UBR3: variants seen among roughly 807,000 people sequenced by gnomAD.
UBR3 encodes E3 ubiquitin-protein ligase UBR3.
A neutral mutation model predicts 243.2 loss-of-function variants in UBR3; 85 were observed. The ratio of observed to expected loss-of-function variants is 0.35; its 90% CI spans 0.29 to 0.42. UBR3 has a LOEUF of 0.42. Among genes scored for constraint, UBR3 ranks in the 10% least tolerant of loss-of-function variants. The pLI is 1.00. For synonymous variants in UBR3, 748 were observed against 799.8 expected (o/e 0.94, Z 1.09); for missense variants, 1,686 against 2,300.8 (o/e 0.73, Z 5.47).
At chr2:170,067,557 A>G (rs1168627704) in intron 35 of UBR3, among the ~76,000 whole-genome samples, 1 of 152,152 alleles carries the variant, frequency 6.6e-6, no homozygotes, top group Admixed American at 6.6e-5. Flanking sequence ...TATATATTAT[A>G]TATATACAAC....
chr2:170,055,472 G>T lies in UBR3; in HGVS notation c.4673G>T (p.Cys1558Phe), dbSNP rs766836632. ...PQPLRKDHFT[C>F]IVKVLFTLLY... Reference sequence around the variant, plus strand: ...TTTTCTCTTGCAGACCACTTTACCTGCATTGTGAAGGTACTTTTTACCCTA... The same window carrying T: ...TTTTCTCTTGCAGACCACTTTACCTTCATTGTGAAGGTACTTTTTACCCTA... Residue 1558 changes from cysteine (C) to phenylalanine (F), a missense_variant, in exon 33 of 39, where the codon TGC (cysteine) becomes TTC (phenylalanine). Physicochemically the swap from Cys to Phe is radical, Grantham distance 205. Coordinates refer to ENST00000272793, the MANE Select transcript of UBR3 (RefSeq NM_172070.4). 2 of 1,613,054 alleles carry T rather than the reference G, an allele frequency of 1.2e-6. No homozygotes were observed. The highest frequency in any genetic ancestry group is 1.7e-6 in the Non-Finnish European group (2 of 1,179,450).
At chr2:170,057,031 T>C (rs551555461) in intron 33 of UBR3, among the ~76,000 whole-genome samples, 5 of 152,326 alleles carry the variant, frequency 3.3e-5, no homozygotes, top group African/African-American at 1.2e-4. Context: ...TCAAAATTAA[T>C]TTCTGTCTTT....
At chr2:169,878,375 A>AAG (rs2083696452) in intron 4 of UBR3, 150 bp from the exon 5 acceptor site, 751 of 720,802 alleles carry the variant, frequency 1.0e-3, no homozygotes, top group Non-Finnish European at 1.3e-3. Flanking sequence ...AAAAAAAAAA[A>AAG]AAGTTGGACT....
intron 4 of UBR3, 49 bp from the exon 5 acceptor site, chr2:169,878,476 G>A (rs751042348): frequency 2.7e-6 from 4 of 1,483,840 alleles, no homozygotes; most frequent in South Asian, 1.3e-5. Context: ...TGAAAATAAA[G>A]CAATATGTAG....
chr2:169,827,860 C>T lies in UBR3; in HGVS notation c.353C>T (p.Ala118Val). 6.6e-7 allele frequency: 1 copy of T among 1,504,710 alleles called. No homozygotes were observed. The highest frequency in any genetic ancestry group is 8.8e-7 in the Non-Finnish European group (1 of 1,131,332). 93.2% of individuals were successfully genotyped at this position (1,504,710 alleles called of 1,614,324 possible). A position where few individuals can be genotyped will look rare whatever the true frequency, so the allele number is the denominator to read the frequency against. ...GCGGTGCGGGCCTACGATCCCGCGG[C>T]GCTCTGCGGCCTGGTCTGGACAGCC... ...CAAVRAYDPA[A>V]LCGLVWTANF... Residue 118 changes from alanine to valine, a missense_variant, in exon 1 of 39, where the codon GCG (alanine) becomes GTG (valine). Physicochemically the swap from Ala to Val is moderately conservative, Grantham distance 64. Around this residue, in one of 8 missense-constraint regions of UBR3, gnomAD observed 145 missense variants for 243.8 expected, o/e 0.59. Transcript: ENST00000272793.
chr2:169,833,175 AT>A (rs1192141086), intron 1 of UBR3, among the ~76,000 whole-genome samples: 29 of 152,174 alleles, frequency 1.9e-4, no homozygotes, highest in African/African-American at 7.0e-4. Flanking sequence ...AGTTAAAAAA[AT>A]CCTTGTATAA....
chr2:169,938,004 C>G (rs968931344), intron 19 of UBR3, among the ~76,000 whole-genome samples: 3 of 152,098 alleles, frequency 2.0e-5, no homozygotes, highest in Non-Finnish European at 2.9e-5. Flanking sequence ...ATCTCTCATC[C>G]TCATATCCTC....
intron 36 of UBR3, 106 bp from the exon 37 acceptor site, chr2:170,079,708 A>G (rs1488794615): frequency 2.0e-6 from 2 of 1,016,508 alleles, no homozygotes; most frequent in Non-Finnish European, 2.8e-6. Flanking sequence ...AATAAGCCAC[A>G]TTCTTGGAGG....
chr2:170,000,853 C>T (rs1269995255), intron 26 of UBR3, among the ~76,000 whole-genome samples: 1 of 152,034 alleles, frequency 6.6e-6, no homozygotes, highest in Non-Finnish European at 1.5e-5. Context: ...AGAAGGAAGG[C>T]TGAGAAAAAC....
intron 6 of UBR3, among the ~76,000 whole-genome samples, chr2:169,894,714 T>A (rs1218093790): frequency 6.6e-6 from 1 of 152,170 alleles, no homozygotes; most frequent in Non-Finnish European, 1.5e-5. Context: ...TTGAAAAAAC[T>A]CTACAAGGTT....
chr2:170,081,728 G>T lies in UBR3; in HGVS notation c.5552G>T (p.Arg1851Leu). The T allele has an allele frequency of 6.3e-7, 1 of 1,590,488 alleles. No homozygotes were observed. The highest frequency in any genetic ancestry group is 1.8e-5 in the Admixed American group (1 of 55,440). The change falls in exon 39 of 39, where the codon CGA (arginine) becomes CTA (leucine). Residue 1851 changes from arginine to leucine, a missense_variant and splice_region_variant. Transcript: ENST00000272793. The part of the protein sequence containing the change: ...AHGEEDRDLR[R>L]GKPLYICKER... ...CTTTTTTTTTCTTTTTGTTCTAGGC[G>T]AGGCAAACCTCTCTACATTTGTAAG...
At chr2:169,898,802 C>T (rs1574152303) in intron 8 of UBR3, among the ~76,000 whole-genome samples, 1 of 149,216 alleles carries the variant, frequency 6.7e-6, no homozygotes, top group African/African-American at 2.5e-5. Context: ...CCCAGGTTCA[C>T]GCCATTCTCC....
rs757246871 is a variant in UBR3 at position 170,055,555 on chromosome 2, G to T, written c.4756G>T (p.Ala1586Ser). The part of the protein sequence containing the change: ...SVKCSEEDRS[A>S]WKHAGALKKS... ...TAAATGCAGCGAAGAAGATAGGTCA[G>T]CCTGGAAACACGCGGGAGCTCTCAA... The change falls in exon 33 of 39, where the codon GCC becomes TCC. Residue 1586 changes from alanine to serine, a missense_variant. This residue lies in a region of UBR3 where 371 missense variants were observed against 422.5 expected (regional missense o/e 0.88). Coordinates refer to ENST00000272793, the MANE Select transcript of UBR3 (RefSeq NM_172070.4). 1 of 1,613,502 alleles carries T rather than the reference G, an allele frequency of 6.2e-7. No homozygotes were observed. The highest frequency in any genetic ancestry group is 8.5e-7 in the Non-Finnish European group (1 of 1,179,648).
At chr2:169,870,387 C>T (rs2083396654) in intron 1 of UBR3, among the ~76,000 whole-genome samples, 1 of 152,136 alleles carries the variant, frequency 6.6e-6, no homozygotes, top group African/African-American at 2.4e-5. Flanking sequence ...CCTCAGCCTC[C>T]CAACATGCTG....
chr2:169,881,904 GGTATAT>G (rs200647308), intron 5 of UBR3, among the ~76,000 whole-genome samples: 52,071 of 121,732 alleles, frequency 0.43, 12,483 homozygotes, highest in Non-Finnish European at 0.54. Context: ...TATACATATA[GGTATAT>G]GTATATGTAT....
At chr2:170,061,707 A>G (rs925395732) in intron 35 of UBR3, among the ~76,000 whole-genome samples, 1 of 152,138 alleles carries the variant, frequency 6.6e-6, no homozygotes, top group Non-Finnish European at 1.5e-5. Context: ...ACCTCAGGTG[A>G]TCTACCTGCC....
rs751047243 is a variant in UBR3 at position 170,080,813 on chromosome 2, C to G, written c.5549+129C>G. 138 of 1,048,806 alleles carry G rather than the reference C, an allele frequency of 1.3e-4. 1 individual carries two copies. The highest frequency in any genetic ancestry group is 1.8e-4 in the Non-Finnish European group (130 of 742,790). The allele number at this position is 1,048,806 out of a possible 1,614,324, so 65.0% of individuals were successfully genotyped here. ...AATTCTGACAGTCATTAATTTAGAG[C>G]TATTTCTAGTTTTTGAGCTATTGTC... On this transcript the variant is annotated intron_variant, in intron 38 of 38. Transcript: ENST00000272793.
intron 25 of UBR3, among the ~76,000 whole-genome samples, chr2:169,990,530 G>A (rs1478078543): frequency 1.3e-5 from 2 of 152,034 alleles, no homozygotes; most frequent in Non-Finnish European, 2.9e-5. Flanking sequence ...ATCTAGATTT[G>A]TAAACCAAAT....
intron 31 of UBR3, among the ~76,000 whole-genome samples, chr2:170,040,468 C>CCTAT (rs2090939830): frequency 1.3e-5 from 2 of 152,118 alleles, no homozygotes; most frequent in Admixed American, 1.3e-4. Flanking sequence ...GGGAACTCTG[C>CCTAT]CTATCTCTTT....
Sources: allele counts gnomAD v4.1 joint callset (sites outside exome capture counted in the v4.1 genomes callset), GRCh38; gene constraint gnomAD v4.1.1; regional missense constraint gnomAD v4.1.1; transcripts MANE v1.5; gene names NCBI Gene and HGNC (gene_info 2026-07-23, HGNC 2026-07-21).